LPP: variants seen among roughly 807,000 people sequenced by gnomAD.
The protein encoded by LPP is lipoma-preferred partner.
In LPP, 38 loss-of-function variants were observed where a neutral mutation model predicts 60.4. The observed-to-expected ratio is 0.63, with a 90% confidence interval of 0.49 to 0.83. The LOEUF (loss-of-function observed/expected upper bound fraction) is 0.83, where lower values mean the gene tolerates loss of function less well. LPP is among the 40% of genes least tolerant of loss of function. The pLI, the probability that LPP is intolerant of heterozygous loss-of-function variation, is 0.00. For synonymous variants in LPP, 328 were observed against 290.8 expected, an observed-to-expected ratio of 1.13 and a Z score of -1.30; for missense variants, 902 against 783.6, an observed-to-expected ratio of 1.15 and a Z score of -1.80.
intron 5 of LPP, among the ~76,000 whole-genome samples, chr3:188,488,802 A>G (rs1039160614): frequency 6.6e-6 from 1 of 151,830 alleles, no homozygotes; most frequent in African/African-American, 2.4e-5. Flanking sequence ...ACGCCTGGCT[A>G]ATTTTTTTGT....
chr3:188,264,513 A>G (rs576686359), intron 2 of LPP, among the ~76,000 whole-genome samples: 12 of 152,218 alleles, frequency 7.9e-5, no homozygotes, highest in Admixed American at 5.2e-4. Flanking sequence ...TGTAAAATGA[A>G]TTGGGTCTTA....
At chr3:188,287,317 G>T (rs1022371056) in intron 2 of LPP, among the ~76,000 whole-genome samples, 5 of 152,226 alleles carry the variant, frequency 3.3e-5, no homozygotes, top group African/African-American at 1.2e-4. Context: ...TGTTAATGCA[G>T]CCCATGGAGG....
At position 188,610,163 on chromosome 3, in the gene LPP, C is replaced by G. The variant is rs962559535; in HGVS notation, c.1113+319C>G. Among the ~76,000 whole-genome samples, 1 of 152,204 alleles carries G rather than the reference C, an allele frequency of 6.6e-6. No individual in the cohort carries two copies. Among genetic ancestry groups the G allele is most frequent in the Non-Finnish European group, 1.5e-5 (1 of 68,036 alleles). ...AAAATAATTTATTTTTCACATCCTT[C>G]CCTATATTGGTTAAAGCTTCCCTCT... On this transcript the variant is annotated intron_variant, in intron 7 of 11. Transcript: ENST00000617246. This position sits in a 1 kb window ranked among gnomAD's most constrained non-coding sequence, Gnocchi z 4.4.
At chr3:188,808,054 G>C (rs1208190458) in intron 9 of LPP, among the ~76,000 whole-genome samples, 3 of 152,012 alleles carry the variant, frequency 2.0e-5, no homozygotes, top group Non-Finnish European at 4.4e-5. Context: ...GTCAGAAGTT[G>C]GCCTTGATTT....
At chr3:188,280,950 T>G (rs1432922536) in intron 2 of LPP, among the ~76,000 whole-genome samples, 1 of 151,854 alleles carries the variant, frequency 6.6e-6, no homozygotes, top group Non-Finnish European at 1.5e-5. Flanking sequence ...TTTTTTTTTT[T>G]TTAAGAGGGA....
At chr3:188,564,873 C>G (rs1471698314) in intron 6 of LPP, among the ~76,000 whole-genome samples, 2 of 151,934 alleles carry the variant, frequency 1.3e-5, no homozygotes, top group East Asian at 3.9e-4. Context: ...TGTGGCAGCT[C>G]CTGTTAGTGA....
intron 3 of LPP, among the ~76,000 whole-genome samples, chr3:188,392,787 A>C (rs1413863443): frequency 2.0e-5 from 3 of 152,174 alleles, no homozygotes; most frequent in Non-Finnish European, 4.4e-5. Context: ...GTGGTCCTGG[A>C]ATAGATGGGA....
In LPP at chr3:188,352,614, G is replaced by A. The variant is rs185847325; in HGVS notation, c.-10+10895G>A. The stretch of plus-strand genomic sequence containing the variant: ...GTGAGGACAGTGAGGCGCATTATGC[G>A]GAGGTGACTTGCTCAAGGCCACAGA... On this transcript the variant is annotated intron_variant, in intron 3 of 11. Transcript: ENST00000617246. The surrounding 1 kb of genome is among the most constrained non-coding windows in gnomAD (Gnocchi z 4.4). 4.6e-5 allele frequency among the ~76,000 whole-genome samples: 7 copies of A among 152,316 alleles called. No homozygotes were observed. The highest frequency in any genetic ancestry group is 1.2e-4 in the African/African-American group (5 of 41,570).
chr3:188,826,316 T>C (rs887829326), intron 9 of LPP, among the ~76,000 whole-genome samples: 6 of 152,222 alleles, frequency 3.9e-5, no homozygotes, highest in African/African-American at 1.4e-4. Flanking sequence ...GGTTTCCTTA[T>C]AGGAGATCCT....
At chr3:188,675,419 A>G (rs892599937) in intron 7 of LPP, among the ~76,000 whole-genome samples, 7 of 152,234 alleles carry the variant, frequency 4.6e-5, no homozygotes, top group Non-Finnish European at 1.0e-4. Flanking sequence ...AAAGCAAAGA[A>G]GTAAATAAAG....
chr3:188,376,431 G>T (rs186690196), intron 3 of LPP, among the ~76,000 whole-genome samples: 1 of 152,150 alleles, frequency 6.6e-6, no homozygotes, highest in East Asian at 1.9e-4. Flanking sequence ...AGCTCTTCTT[G>T]TTGAATTGAT....
intron 8 of LPP, among the ~76,000 whole-genome samples, chr3:188,735,537 G>A (rs6789654): frequency 0.22 from 33,652 of 151,390 alleles, 4,264 homozygotes; most frequent in Middle Eastern, 0.43. Flanking sequence ...GCCTGCCACC[G>A]TGCCCGGCTA....
At chr3:188,671,222 G>A (rs1250546186) in intron 7 of LPP, among the ~76,000 whole-genome samples, 2 of 152,094 alleles carry the variant, frequency 1.3e-5, no homozygotes, top group African/African-American at 4.8e-5. Flanking sequence ...ATAACAATTT[G>A]AATTCCTTTG....
intron 9 of LPP, among the ~76,000 whole-genome samples, chr3:188,774,016 TGTAACAAA>T (rs1169373046): frequency 3.9e-5 from 6 of 152,164 alleles, no homozygotes; most frequent in African/African-American, 1.2e-4. Context: ...CCTTTTACAA[TGTAACAAA>T]ATCAAAGCTT....
intron 9 of LPP, among the ~76,000 whole-genome samples, chr3:188,774,909 T>C (rs1469359303): frequency 1.3e-5 from 2 of 152,210 alleles, no homozygotes; most frequent in Non-Finnish European, 2.9e-5. Context: ...CTTCAACATA[T>C]AAATTTATAA....
chr3:188,813,146 A>G (rs1751538510), intron 9 of LPP, among the ~76,000 whole-genome samples: 1 of 152,176 alleles, frequency 6.6e-6, no homozygotes, highest in Non-Finnish European at 1.5e-5. Context: ...GAATTTACGA[A>G]TCGAATTAGA....
At chr3:188,726,246 T>A (rs1299948685) in intron 8 of LPP, among the ~76,000 whole-genome samples, 2 of 152,090 alleles carry the variant, frequency 1.3e-5, no homozygotes, top group Non-Finnish European at 2.9e-5. Context: ...ACCAAGATAG[T>A]CATCTTGTGA....
At chr3:188,399,643 A>C (rs1560352337) in intron 3 of LPP, among the ~76,000 whole-genome samples, 1 of 152,212 alleles carries the variant, frequency 6.6e-6, no homozygotes, top group Non-Finnish European at 1.5e-5. Context: ...AGATTAATAG[A>C]AATGCTCTAA....
rs552902168 is a variant in LPP at position 188,884,515 on chromosome 3, T to C, written c.*10036T>C. On this transcript the variant is annotated 3_prime_UTR_variant, in exon 12 of 12. Transcript: ENST00000617246. ...CTGTCTGATCAGCACTGTGAGGAAG[T>C]TGGTGGGAAAAGGCCACTGATAAGA... The C allele has an allele frequency of 4.4e-6, 1 of 229,268 alleles. No homozygotes were observed. Among genetic ancestry groups the C allele is most frequent in the Non-Finnish European group, 8.6e-6 (1 of 115,672 alleles). The allele number at this position is 229,268 out of a possible 1,614,324, so 14.2% of individuals were successfully genotyped here.
Sources: gnomAD v4.1 joint callset for allele counts (sites outside exome capture counted in the v4.1 genomes callset) on GRCh38, gnomAD v4.1.1 for gene constraint, Gnocchi (gnomAD v3.1) non-coding constraint, MANE v1.5 for transcripts, NCBI Gene and HGNC (gene_info 2026-07-23, HGNC 2026-07-21) for gene names.